The following SPATA31A6 variants were observed in gnomAD, a reference collection of about 807,000 sequenced individuals.
SPATA31A6 encodes the protein spermatogenesis-associated protein 31A6.
SPATA31A6 carries 9 observed loss-of-function variants against 11.9 expected under a neutral mutation model. That is an observed-to-expected ratio of 0.76 (90% CI 0.46 to 1.32). The LOEUF is 1.32. SPATA31A6 is among the 40% of genes most tolerant of loss of function. The probability of loss-of-function intolerance (pLI) is 0.00; values close to 1 mark genes in which losing one functional copy is unlikely to be tolerated. For synonymous variants in SPATA31A6, 314 were observed against 572.1 expected, an observed-to-expected ratio of 0.55 and a Z score of 6.44; for missense variants, 855 against 1,467.3, an observed-to-expected ratio of 0.58 and a Z score of 6.82.
chr9:42,184,298 C>T (rs1587325076), intron 1 of SPATA31A6, among the ~76,000 whole-genome samples: 1 of 129,844 alleles, frequency 7.7e-6, no homozygotes, highest in Non-Finnish European at 1.6e-5. Context: ...CCCACCAGGG[C>T]CTGGTGTCTC....
rs1167533616 is a variant in SPATA31A6, at chr9:42,187,367, C to T, written c.1665C>T (p.Pro555=). 2.6e-6 allele frequency: 4 copies of T among 1,535,482 alleles called. 1 individual carries two copies. The highest frequency in any genetic ancestry group is 3.1e-5 in the African/African-American group (2 of 63,708). The change falls in exon 4 of 4, where the codon CCC becomes CCT. Residue 555 remains proline, a synonymous_variant. Transcript: ENST00000332857. The stretch of plus-strand genomic sequence containing the variant: ...AACTAGAAGGTAGGTTGGCTTTACC[C>T]TCTAGGGTCCAAAAATCTCAGGACG... ...RKQLEGRLAL[P]SRVQKSQDVF...
chr9:42,185,031 C>G (rs547618779), intron 1 of SPATA31A6, 38 bp from the exon 2 acceptor site: 1 of 1,531,220 alleles, frequency 6.5e-7, no homozygotes, highest in East Asian at 2.5e-5. Context: ...CTTGTCTCTC[C>G]GCGTCATCTT....
At position 42,187,649 on chromosome 9, in the gene SPATA31A6, C is replaced by G. The variant is rs760313642; in HGVS notation, c.1947C>G (p.Ser649Arg). 6.6e-7 allele frequency: 1 copy of G among 1,508,216 alleles called. No homozygotes were observed. Among genetic ancestry groups the G allele is most frequent in the South Asian group, 1.2e-5 (1 of 85,472 alleles). The allele number at this position is 1,508,216 out of a possible 1,614,324, so 93.4% of individuals were successfully genotyped here. A position where few individuals can be genotyped will look rare whatever the true frequency, so the allele number is the denominator to read the frequency against. The change falls in exon 4 of 4, where the codon AGC (serine) becomes AGG (arginine). Residue 649 changes from serine (S) to arginine (R), a missense_variant. By Grantham distance (110) the Ser-to-Arg change is moderately radical (BLOSUM62 -1). Coordinates refer to ENST00000332857, the MANE Select transcript of SPATA31A6 (RefSeq NM_001145196.1). ...WQSSTSTGES[S>R]KEAQKVKFQL... is the part of the protein sequence containing the mutation. ...CCTCCACGTCCACAGGTGAAAGCAG[C>G]AAGGAGGCACAGAAGGTGAAGTTCC...
rs187066327 is a variant in SPATA31A6, at chr9:42,185,616, C to T, written c.248-79C>T. 6,830 of 1,366,672 alleles carry T rather than the reference C, an allele frequency of 5.0e-3. 1,032 individuals are homozygous for T. The highest frequency in any genetic ancestry group is 0.047 in the East Asian group (1,809 of 38,334). The allele number at this position is 1,366,672 out of a possible 1,614,324, so 84.7% of individuals were successfully genotyped here. A position where few individuals can be genotyped will look rare whatever the true frequency, so the allele number is the denominator to read the frequency against. On this transcript the variant is annotated intron_variant, in intron 2 of 3. Coordinates refer to ENST00000332857, the MANE Select transcript of SPATA31A6 (RefSeq NM_001145196.1). ...AGGGTCTAATTCCCCATGGTCCTCC[C>T]TAAAGAAACAGCCACTCAGCCTCCT...
chr9:42,183,664 C>T lies in SPATA31A6; in HGVS notation c.-24C>T, dbSNP rs774392869. On this transcript the variant is annotated 5_prime_UTR_variant, in exon 1 of 4. Coordinates refer to ENST00000332857, the MANE Select transcript of SPATA31A6 (RefSeq NM_001145196.1). ...CACGGGGATGCCCAGAGCTCAGTTGCTTGAAAGCAACGTGCCTATTCACAT... is the reference window on the plus strand; with the variant it reads ...CACGGGGATGCCCAGAGCTCAGTTGTTTGAAAGCAACGTGCCTATTCACAT... 8.5e-6 allele frequency: 13 copies of T among 1,526,548 alleles called. No individual in the cohort carries two copies. In the South Asian group the frequency reaches 9.3e-5, roughly 11 times the overall value. 94.6% of individuals were successfully genotyped at this position (1,526,548 alleles called of 1,614,324 possible). A position where few individuals can be genotyped will look rare whatever the true frequency, so the allele number is the denominator to read the frequency against.
Position 42,186,881 on chromosome 9 carries a change from C to T in SPATA31A6, c.1179C>T (p.Pro393=), listed in dbSNP as rs142831593. 5.4e-3 allele frequency: 8,287 copies of T among 1,536,916 alleles called. 664 individuals are homozygous for T. Among genetic ancestry groups the T allele is most frequent in the East Asian group, 0.042 (1,774 of 42,106 alleles). Residue 393 remains proline, a synonymous_variant, in exon 4 of 4, where the codon CCC becomes CCT. Transcript: ENST00000332857. The stretch of plus-strand genomic sequence containing the variant: ...TGGGAGAGAACTCGAAACAGCTGCC[C>T]GGACCTCAGAAGTGCTCAGATCCTA... ...WNMGENSKQL[P]GPQKCSDPRL... is the part of the protein sequence containing the mutation.
rs1007561637 is a variant in SPATA31A6 at position 42,189,358 on chromosome 9, T to C, written c.3656T>C (p.Leu1219Pro). The C allele has an allele frequency of 1.9e-6, 3 of 1,540,682 alleles. 1 individual carries two copies. Among genetic ancestry groups the C allele is most frequent in the African/African-American group, 3.1e-5 (2 of 64,800 alleles). ...CAAATGCTGGACAAGAAAATGTCAC[T>C]TTGCCATGCGCACCATGCCTCGAAG... ...VGQMLDKKMS[L>P]CHAHHASKVN... is the part of the protein sequence containing the mutation. The change falls in exon 4 of 4, where the codon CTT becomes CCT. Residue 1219 changes from leucine (L) to proline (P), a missense_variant. Leu to Pro is a moderately conservative substitution (Grantham distance 98, BLOSUM62 -3). Transcript: ENST00000332857.
At position 42,189,005 on chromosome 9, in the gene SPATA31A6, C is replaced by T. The variant is rs1215509338; in HGVS notation, c.3303C>T (p.Pro1101=). The T allele has an allele frequency of 1.3e-6, 2 of 1,551,502 alleles. 1 individual carries two copies. Among genetic ancestry groups the T allele is most frequent in the African/African-American group, 3.1e-5 (2 of 65,514 alleles). ...GCAAGAGCCAAAGGCCAATGTTTCC[C>T]CCTATTCACAAGAGTGAGAAGTCTA... ...GSCKSQRPMF[P]PIHKSEKSRK... Residue 1101 remains proline (P), a synonymous_variant, in exon 4 of 4, where the codon CCC becomes CCT. Coordinates refer to ENST00000332857, the MANE Select transcript of SPATA31A6 (RefSeq NM_001145196.1).
rs71364261 is a variant in SPATA31A6 at position 42,184,439 on chromosome 9, CTGTGTGTGTGTG to C, written c.189+595_190-587del. On this transcript the variant is annotated intron_variant, in intron 1 of 3. Coordinates refer to ENST00000332857, the MANE Select transcript of SPATA31A6 (RefSeq NM_001145196.1). The stretch of plus-strand genomic sequence containing the variant: ...GGTGGACCTCATATTGAAAATCCCT[CTGTGTGTGTGTG>C]TGTGTGTGTGTGTGTGTGTGTGTGT... Among the ~76,000 whole-genome samples, 26 of 102,052 alleles carry C rather than the reference CTGTGTGTGTGTG, an allele frequency of 2.5e-4. 3 individuals carry two copies. The highest frequency in any genetic ancestry group is 1.8e-3 in the East Asian group (6 of 3,334). 67.0% of individuals were successfully genotyped at this position (102,052 alleles called of 152,430 possible). A position where few individuals can be genotyped will look rare whatever the true frequency, so the allele number is the denominator to read the frequency against.
chr9:42,183,708 T>C lies in SPATA31A6; in HGVS notation c.21T>C (p.Pro7=). 1.3e-6 allele frequency: 2 copies of C among 1,535,568 alleles called. 1 individual carries two copies. Among genetic ancestry groups the C allele is most frequent in the Non-Finnish European group, 1.8e-6 (2 of 1,138,274 alleles). The part of the protein sequence containing the change: MENLPF[P]LKLLSASSLN... ...TTCACATGGAGAATCTTCCCTTTCCTTTAAAATTACTTAGTGCCTCATCGC... is the reference window on the plus strand; with the variant it reads ...TTCACATGGAGAATCTTCCCTTTCCCTTAAAATTACTTAGTGCCTCATCGC... The change falls in exon 1 of 4, where the codon CCT becomes CCC. Residue 7 remains proline (P), a synonymous_variant. Coordinates refer to ENST00000332857, the MANE Select transcript of SPATA31A6 (RefSeq NM_001145196.1).
chr9:42,184,152 A>G (rs1482252130), intron 1 of SPATA31A6, among the ~76,000 whole-genome samples: 1 of 137,950 alleles, frequency 7.2e-6, no homozygotes, highest in Non-Finnish European at 1.5e-5. Flanking sequence ...AGTACCAGTC[A>G]TGAGACTGGG....
rs150951585 is a variant in SPATA31A6 at position 42,189,367 on chromosome 9, C to T, written c.3665C>T (p.Ala1222Val). 8.9e-5 allele frequency: 137 copies of T among 1,540,264 alleles called. 23 individuals carry two copies. The highest frequency in any genetic ancestry group is 5.8e-4 in the East Asian group (24 of 41,242). Residue 1222 changes from alanine to valine, a missense_variant, in exon 4 of 4, where the codon GCG becomes GTG. Ala to Val is a moderately conservative substitution (Grantham distance 64). Transcript: ENST00000332857. ...GACAAGAAAATGTCACTTTGCCATGCGCACCATGCCTCGAAGGTAAATCAG... is the reference window on the plus strand; with the variant it reads ...GACAAGAAAATGTCACTTTGCCATGTGCACCATGCCTCGAAGGTAAATCAG... Reference protein sequence around the residue: ...MLDKKMSLCHAHHASKVNQHK... With the variant: ...MLDKKMSLCHVHHASKVNQHK...
Position 42,189,347 on chromosome 9 carries a change from G to A in SPATA31A6, c.3645G>A (p.Lys1215=). The A allele has an allele frequency of 6.5e-7, 1 of 1,541,856 alleles. No homozygotes were observed. The highest frequency in any genetic ancestry group is 8.8e-7 in the Non-Finnish European group (1 of 1,137,184). ...LMTAVGQMLD[K]KMSLCHAHHA... ...CGGCAGTTGGACAAATGCTGGACAA[G>A]AAAATGTCACTTTGCCATGCGCACC... is the stretch of plus-strand genomic sequence containing the variant. Residue 1215 remains lysine, a synonymous_variant, in exon 4 of 4, where the codon AAG becomes AAA. Transcript: ENST00000332857.
In SPATA31A6 at chr9:42,183,746, G is replaced by T. The variant is rs1381361882; in HGVS notation, c.59G>T (p.Ser20Ile). Reference sequence around the variant, plus strand: ...AGTGCCTCATCGCTAAACGCCCCCAGCTCCACACCATGGGTGTTGGATATC... The same window carrying T: ...AGTGCCTCATCGCTAAACGCCCCCATCTCCACACCATGGGTGTTGGATATC... ...LLSASSLNAP[S>I]STPWVLDIFL... Residue 20 changes from serine (S) to isoleucine (I), a missense_variant, in exon 1 of 4, where the codon AGC (serine) becomes ATC (isoleucine). Transcript: ENST00000332857. The T allele has an allele frequency of 1.3e-6, 2 of 1,535,252 alleles. No individual in the cohort carries two copies. Among genetic ancestry groups the T allele is most frequent in the South Asian group, 1.1e-5 (1 of 87,334 alleles).
Position 42,189,865 on chromosome 9 carries a change from T to C in SPATA31A6, c.*131T>C. On this transcript the variant is annotated 3_prime_UTR_variant, in exon 4 of 4. Transcript: ENST00000332857. ...ATGCAGAACATTTAATATTCCACAA[T>C]ATATATGGTTTTTTATTTATAAGAG... 2 of 1,110,018 alleles carry C rather than the reference T, an allele frequency of 1.8e-6. No homozygotes were observed. Among genetic ancestry groups the C allele is most frequent in the South Asian group, 1.7e-5 (1 of 57,788 alleles). The allele number at this position is 1,110,018 out of a possible 1,614,324, so 68.8% of individuals were successfully genotyped here.
In SPATA31A6 at chr9:42,189,038, C is replaced by T; in HGVS notation, c.3336C>T (p.Pro1112=). The T allele has an allele frequency of 6.4e-7, 1 of 1,554,700 alleles. No individual in the cohort carries two copies. Among genetic ancestry groups the T allele is most frequent in the Non-Finnish European group, 8.7e-7 (1 of 1,146,022 alleles). Residue 1112 remains proline, a synonymous_variant, in exon 4 of 4, where the codon CCC becomes CCT. Transcript: ENST00000332857. ...ACAAGAGTGAGAAGTCTAGGAAGCC[C>T]AACTTAGAAAAACATGAAGAAAGGC... ...PIHKSEKSRK[P]NLEKHEERLE... is the part of the protein sequence containing the mutation.
rs1829438664 is a variant in SPATA31A6 at position 42,185,958 on chromosome 9, C to T, written c.309-53C>T. 14 of 1,473,562 alleles carry T rather than the reference C, an allele frequency of 9.5e-6. 2 individuals carry two copies. Among genetic ancestry groups the T allele is most frequent in the Non-Finnish European group, 1.1e-5 (12 of 1,105,282 alleles). 91.3% of individuals were successfully genotyped at this position (1,473,562 alleles called of 1,614,324 possible). On this transcript the variant is annotated intron_variant, in intron 3 of 3. Coordinates refer to ENST00000332857, the MANE Select transcript of SPATA31A6 (RefSeq NM_001145196.1). ...GGCTGTGGCCCGAGCACCCACTCTG[C>T]CCTCCGGCCCCACCGGCTCCTGGCT... is the stretch of plus-strand genomic sequence containing the variant.
At position 42,185,773 on chromosome 9, in the gene SPATA31A6, C is replaced by G; in HGVS notation, c.308+18C>G. On this transcript the variant is annotated intron_variant, in intron 3 of 3. Transcript: ENST00000332857. ...CTGCAGAGGTGAGGCACTTCCCCTT[C>G]CCTGCATCCTTCCTACCAGGGCTGG... 1 of 1,161,128 alleles carries G rather than the reference C, an allele frequency of 8.6e-7. No homozygotes were observed. Among genetic ancestry groups the G allele is most frequent in the Non-Finnish European group, 1.2e-6 (1 of 856,150 alleles). The allele number at this position is 1,161,128 out of a possible 1,614,324, so 71.9% of individuals were successfully genotyped here. A position where few individuals can be genotyped will look rare whatever the true frequency, so the allele number is the denominator to read the frequency against.
rs1311052125 is a variant in SPATA31A6, at chr9:42,184,814, C to T, written c.190-255C>T. 4.1e-4 allele frequency among the ~76,000 whole-genome samples: 57 copies of T among 137,492 alleles called. 10 individuals carry two copies. The highest frequency in any genetic ancestry group is 1.6e-3 in the African/African-American group (55 of 33,992). The allele number at this position is 137,492 out of a possible 152,430, so 90.2% of individuals were successfully genotyped here. ...AAGTGCTTGGATTATAGGCGTGAGC[C>T]ACCACGCCCAGCCCCCTCTTGCTGT... is the stretch of plus-strand genomic sequence containing the variant. On this transcript the variant is annotated intron_variant, in intron 1 of 3. Transcript: ENST00000332857.
Sources: allele counts gnomAD v4.1 joint callset (sites outside exome capture counted in the v4.1 genomes callset), GRCh38; gene constraint gnomAD v4.1.1; transcripts MANE v1.5; gene names NCBI Gene and HGNC (gene_info 2026-07-23, HGNC 2026-07-21).